CNST: variants seen among roughly 807,000 people sequenced by gnomAD.
CNST encodes the protein consortin, connexin sorting protein.
Under a neutral mutation model 72.4 loss-of-function variants are expected in CNST, and 39 were observed. That is an observed-to-expected ratio of 0.54 (90% CI 0.42 to 0.70). The LOEUF (loss-of-function observed/expected upper bound fraction) is 0.70. Among genes scored for constraint, CNST ranks in the 30% least tolerant of loss-of-function variants. The pLI, the probability that CNST is intolerant of heterozygous loss-of-function variation, is 0.00. For synonymous variants in CNST, 332 were observed against 320.1 expected (o/e 1.04, Z -0.40); for missense variants, 871 against 868.5 (o/e 1.00, Z -0.04).
In CNST at chr1:246,660,205, C is replaced by A; in HGVS notation, c.1843C>A (p.Pro615Thr). 1 of 1,606,256 alleles carries A rather than the reference C, an allele frequency of 6.2e-7. No homozygotes were observed. Among genetic ancestry groups the A allele is most frequent in the South Asian group, 1.1e-5 (1 of 89,358 alleles). The change falls in exon 10 of 11, where the codon CCT becomes ACT. Residue 615 changes from proline (P) to threonine (T), a missense_variant. By Grantham distance (38) the Pro-to-Thr change is conservative (BLOSUM62 -1). Coordinates refer to ENST00000366513, the MANE Select transcript of CNST (RefSeq NM_152609.3). ...TTCTTATAATTTCTGACAGGTTGTT[C>A]CTACTGAAGGATTGGTCTCCATATT... ...AKRIEIAEVV[P>T]TEGLVSILKK...
At chr1:246,578,630 C>G (rs1660596922) in intron 1 of CNST, among the ~76,000 whole-genome samples, 1 of 151,754 alleles carries the variant, frequency 6.6e-6, no homozygotes, top group South Asian at 2.1e-4. Flanking sequence ...AATATCGTGC[C>G]ACTGCACTCC....
rs531246623 is a variant in CNST, at chr1:246,664,638, G to A, written c.1973-1062G>A. 3.7e-4 allele frequency among the ~76,000 whole-genome samples: 56 copies of A among 151,892 alleles called. 1 individual carries two copies. The highest frequency in any genetic ancestry group is 1.8e-3 in the Admixed American group (27 of 15,264). Reference sequence around the variant, plus strand: ...AGACGGGGTTTCACCGTGTCAGCCAGGATGGTCTCGATCTCCTGACCTCGT... The same window carrying A: ...AGACGGGGTTTCACCGTGTCAGCCAAGATGGTCTCGATCTCCTGACCTCGT... On this transcript the variant is annotated intron_variant, in intron 10 of 10. Coordinates refer to ENST00000366513, the MANE Select transcript of CNST (RefSeq NM_152609.3).
chr1:246,664,648 G>C (rs182955172), intron 10 of CNST, among the ~76,000 whole-genome samples: 6,444 of 151,568 alleles, frequency 0.043, 433 homozygotes, highest in African/African-American at 0.14. Flanking sequence ...GGATGGTCTC[G>C]ATCTCCTGAC....
intron 1 of CNST, among the ~76,000 whole-genome samples, chr1:246,590,833 A>G (rs1661500028): frequency 6.6e-6 from 1 of 151,302 alleles, no homozygotes; most frequent in Admixed American, 6.6e-5. Context: ...ATTCTACACT[A>G]AGAGTAGCCT....
intron 1 of CNST, among the ~76,000 whole-genome samples, chr1:246,579,342 C>T (rs1408851327): frequency 6.6e-6 from 1 of 152,192 alleles, no homozygotes; most frequent in Non-Finnish European, 1.5e-5. Context: ...TTAGGTTCTG[C>T]ATGTGTGCTT....
chr1:246,664,304 C>A (rs987453920), intron 10 of CNST, among the ~76,000 whole-genome samples: 5 of 152,226 alleles, frequency 3.3e-5, no homozygotes, highest in Admixed American at 1.3e-4. Context: ...TTGTGCAGAA[C>A]TGTAGCCTAA....
At position 246,620,935 on chromosome 1, in the gene CNST, G is replaced by A. The variant is rs544258154; in HGVS notation, c.380-494G>A. On this transcript the variant is annotated intron_variant, in intron 2 of 10. Transcript: ENST00000366513. Reference sequence around the variant, plus strand: ...ATGGCTTCAGTCGTGCATACACACGGTATTACTGAAGAAGTTCCTTTCTGA... The same window carrying A: ...ATGGCTTCAGTCGTGCATACACACGATATTACTGAAGAAGTTCCTTTCTGA... 2.6e-3 allele frequency among the ~76,000 whole-genome samples: 400 copies of A among 152,334 alleles called. 1 individual carries two copies. Among genetic ancestry groups the A allele is most frequent in the Non-Finnish European group, 4.9e-3 (336 of 68,032 alleles).
chr1:246,604,179 G>A (rs191841072), intron 2 of CNST, among the ~76,000 whole-genome samples: 24 of 152,246 alleles, frequency 1.6e-4, no homozygotes, highest in Middle Eastern at 3.4e-3. Flanking sequence ...GCTTGAACCC[G>A]GGTGGCAGAG....
intron 2 of CNST, among the ~76,000 whole-genome samples, chr1:246,609,807 A>G (rs1478930497): frequency 6.6e-6 from 1 of 152,242 alleles, no homozygotes; most frequent in East Asian, 1.9e-4. Flanking sequence ...CGGTTATGCA[A>G]TGACTCAAAG....
chr1:246,606,122 C>G (rs551192349), intron 2 of CNST: 2 of 152,418 alleles, frequency 1.3e-5, no homozygotes, highest in Admixed American at 1.3e-4. Flanking sequence ...TCTTGAGAGA[C>G]GGGTTGGTAT....
chr1:246,576,455 A>C (rs1183220403), intron 1 of CNST, among the ~76,000 whole-genome samples: 1 of 60,164 alleles, frequency 1.7e-5, no homozygotes, highest in Non-Finnish European at 3.6e-5. Flanking sequence ...TTTTGGTTTA[A>C]TTGTGTTAGA....
intron 3 of CNST, among the ~76,000 whole-genome samples, chr1:246,631,046 G>A (rs1664746805): frequency 6.6e-6 from 1 of 152,008 alleles, no homozygotes; most frequent in African/African-American, 2.4e-5. Context: ...ATGCCCGGCT[G>A]GAAACTGTTT....
At chr1:246,605,632 G>C (rs1051659341) in intron 2 of CNST, among the ~76,000 whole-genome samples, 2 of 151,916 alleles carry the variant, frequency 1.3e-5, no homozygotes, top group Admixed American at 6.5e-5. Context: ...TGGCCTCTCT[G>C]TCTATCCTCG....
intron 6 of CNST, among the ~76,000 whole-genome samples, chr1:246,639,577 A>G (rs182254674): frequency 1.3e-5 from 2 of 152,272 alleles, no homozygotes; most frequent in South Asian, 2.1e-4. Context: ...GAAATTTAAA[A>G]GACAGATAGC....
chr1:246,585,780 G>A (rs551811219), intron 1 of CNST, among the ~76,000 whole-genome samples: 13 of 148,142 alleles, frequency 8.8e-5, no homozygotes, highest in Non-Finnish European at 1.6e-4. Flanking sequence ...TATACTCAAC[G>A]ATCAGTTTCT....
intron 2 of CNST, among the ~76,000 whole-genome samples, chr1:246,594,838 G>A (rs1558540893): frequency 6.6e-6 from 1 of 152,152 alleles, no homozygotes; most frequent in Non-Finnish European, 1.5e-5. Context: ...AGGTCACTTG[G>A]TGAGACTGAA....
At chr1:246,605,187 A>C (rs2103045481) in intron 2 of CNST, among the ~76,000 whole-genome samples, 1 of 152,348 alleles carries the variant, frequency 6.6e-6, no homozygotes, top group East Asian at 1.9e-4. Context: ...ATATTAGCAA[A>C]GTCAGTGTAC....
intron 1 of CNST, among the ~76,000 whole-genome samples, chr1:246,577,864 T>C (rs2103007720): frequency 6.6e-6 from 1 of 152,198 alleles, no homozygotes; most frequent in Admixed American, 6.5e-5. Context: ...TAATTCATGC[T>C]TCTTTTTTGG....
At chr1:246,651,581 A>G (rs951658422) in intron 9 of CNST, among the ~76,000 whole-genome samples, 2 of 152,230 alleles carry the variant, frequency 1.3e-5, no homozygotes, top group Non-Finnish European at 2.9e-5. Flanking sequence ...AAATGAAATA[A>G]TTTACATAAA....
Sources: allele counts gnomAD v4.1 joint callset (sites outside exome capture counted in the v4.1 genomes callset), GRCh38; gene constraint gnomAD v4.1.1; transcripts MANE v1.5; gene names NCBI Gene and HGNC (gene_info 2026-07-23, HGNC 2026-07-21).